Variants in TIGD3 observed in about 807,000 individuals in gnomAD.
TIGD3 encodes tigger transposable element-derived protein 3.
A neutral mutation model predicts 14.8 loss-of-function variants in TIGD3; 7 were observed. The observed-to-expected ratio is 0.47, with a 90% confidence interval of 0.27 to 0.89. The LOEUF (loss-of-function observed/expected upper bound fraction) is 0.89. Among genes scored for constraint, TIGD3 ranks in the 40% least tolerant of loss-of-function variants. The pLI, the probability that TIGD3 is intolerant of heterozygous loss-of-function variation, is 0.13. For missense variants in TIGD3, 581 were observed against 611.0 expected, an observed-to-expected ratio of 0.95 and a Z score of 0.52; for synonymous variants, 243 against 269.4, an observed-to-expected ratio of 0.90 and a Z score of 0.96.
chr11:65,355,833 C>T lies in TIGD3; in HGVS notation c.25C>T (p.Leu9Phe). 2 of 1,613,250 alleles carry T rather than the reference C, an allele frequency of 1.2e-6. No homozygotes were observed. The highest frequency in any genetic ancestry group is 1.7e-6 in the Non-Finnish European group (2 of 1,179,700). The change falls in exon 2 of 2, where the codon CTT becomes TTT. Residue 9 changes from leucine (L) to phenylalanine (F), a missense_variant. By Grantham distance (22) the Leu-to-Phe change is conservative. Coordinates refer to ENST00000309880, the MANE Select transcript of TIGD3 (RefSeq NM_145719.3). The stretch of plus-strand genomic sequence containing the variant: ...CATGGAGCTGAGCAGCAAGAAGAAG[C>T]TTCACGCCCTGTCCCTGGCCGAGAA... MELSSKKK[L>F]HALSLAEKIQ...
Position 65,356,735 on chromosome 11 carries a change from A to G in TIGD3, c.927A>G (p.Arg309=), listed in dbSNP as rs1854860723. 8.7e-6 allele frequency: 14 copies of G among 1,613,138 alleles called. No individual in the cohort carries two copies. Among genetic ancestry groups the G allele is most frequent in the Non-Finnish European group, 1.2e-5 (14 of 1,179,990 alleles). ...TCCGGGCCTTTAAGGCCCATTACCG[A>G]CACCGGCTGTTGGGCAAACTGGCTG... is the stretch of plus-strand genomic sequence containing the variant. ...SVVRAFKAHY[R]HRLLGKLAAI... Residue 309 remains arginine, a synonymous_variant, in exon 2 of 2, where the codon CGA becomes CGG. Transcript: ENST00000309880. This position sits in a 1 kb window ranked among gnomAD's most constrained non-coding sequence, Gnocchi z 5.2.
In TIGD3 at chr11:65,356,159, C is replaced by G; in HGVS notation, c.351C>G (p.Phe117Leu). 1.2e-6 allele frequency: 2 copies of G among 1,612,244 alleles called. No homozygotes were observed. Among genetic ancestry groups the G allele is most frequent in the Non-Finnish European group, 1.7e-6 (2 of 1,180,028 alleles). ...TGGCCGATATCATGGGCCAGGACTT[C>G]GTGCCCAGCATCGGCTGGCTGGTCC... ...KELADIMGQD[F>L]VPSIGWLVRW... The change falls in exon 2 of 2, where the codon TTC becomes TTG. Residue 117 changes from phenylalanine to leucine, a missense_variant. By Grantham distance (22) the Phe-to-Leu change is conservative. Transcript: ENST00000309880. This position sits in a 1 kb window ranked among gnomAD's most constrained non-coding sequence, Gnocchi z 5.2.
In TIGD3 at chr11:65,357,070, G is replaced by A. The variant is rs1159969410; in HGVS notation, c.1262G>A (p.Arg421Lys). ...GGCACTGAAGACGAGAAGGGGGACA[G>A]AGAGGGTGCCTTTGAGCCCCTGCCC... ...EIGTEDEKGD[R>K]EGAFEPLPTK... The change falls in exon 2 of 2, where the codon AGA (arginine) becomes AAA (lysine). Residue 421 changes from arginine to lysine, a missense_variant. Physicochemically the swap from Arg to Lys is conservative, Grantham distance 26. Transcript: ENST00000309880. 3 of 1,613,680 alleles carry A rather than the reference G, an allele frequency of 1.9e-6. No individual in the cohort carries two copies. Among genetic ancestry groups the A allele is most frequent in the South Asian group, 2.2e-5 (2 of 91,050 alleles).
In TIGD3 at chr11:65,356,924, G is replaced by A. The variant is rs1565551263; in HGVS notation, c.1116G>A (p.Pro372=). 8 of 1,613,976 alleles carry A rather than the reference G, an allele frequency of 5.0e-6. No individual in the cohort carries two copies. The highest frequency in any genetic ancestry group is 1.7e-5 in the Admixed American group (1 of 60,012). The change falls in exon 2 of 2, where the codon CCG becomes CCA. Residue 372 remains proline (P), a synonymous_variant. Transcript: ENST00000309880. The surrounding 1 kb of genome is among the most constrained non-coding windows in gnomAD (Gnocchi z 5.2). The part of the protein sequence containing the change: ...QEGLAPGKTP[P]SSHKTSEMPP... ...GGCTGGCTCCCGGCAAAACGCCCCC[G>A]TCCTCGCACAAAACCTCTGAGATGC...
Position 65,356,789 on chromosome 11 carries a change from G to A in TIGD3, c.981G>A (p.Ser327=). The change falls in exon 2 of 2, where the codon TCG becomes TCA. Residue 327 remains serine, a synonymous_variant. Transcript: ENST00000309880. The surrounding 1 kb of genome is among the most constrained non-coding windows in gnomAD (Gnocchi z 5.2). Reference sequence around the variant, plus strand: ...TCCAAAGCGAGAGGGATGGCACCTCGCTGGCCGAGGCCGGGGCAGGCATCA... The same window carrying A: ...TCCAAAGCGAGAGGGATGGCACCTCACTGGCCGAGGCCGGGGCAGGCATCA... ...AAIQSERDGT[S]LAEAGAGITV... 2 of 1,612,842 alleles carry A rather than the reference G, an allele frequency of 1.2e-6. No homozygotes were observed. Among genetic ancestry groups the A allele is most frequent in the Non-Finnish European group, 8.5e-7 (1 of 1,179,838 alleles).
At position 65,356,794 on chromosome 11, in the gene TIGD3, C is replaced by A; in HGVS notation, c.986C>A (p.Ala329Asp). The A allele has an allele frequency of 6.2e-7, 1 of 1,612,776 alleles. No individual in the cohort carries two copies. Among genetic ancestry groups the A allele is most frequent in the South Asian group, 1.1e-5 (1 of 91,056 alleles). The change falls in exon 2 of 2, where the codon GCC becomes GAC. Residue 329 changes from alanine (A) to aspartate (D), a missense_variant. Coordinates refer to ENST00000309880, the MANE Select transcript of TIGD3 (RefSeq NM_145719.3). This position sits in a 1 kb window ranked among gnomAD's most constrained non-coding sequence, Gnocchi z 5.2. ...IQSERDGTSL[A>D]EAGAGITVLD... is the part of the protein sequence containing the mutation. The stretch of plus-strand genomic sequence containing the variant: ...AGCGAGAGGGATGGCACCTCGCTGG[C>A]CGAGGCCGGGGCAGGCATCACCGTG...
At position 65,356,593 on chromosome 11, in the gene TIGD3, C is replaced by T. The variant is rs752683530; in HGVS notation, c.785C>T (p.Ala262Val). The T allele has an allele frequency of 6.2e-7, 1 of 1,610,460 alleles. No homozygotes were observed. The highest frequency in any genetic ancestry group is 8.5e-7 in the Non-Finnish European group (1 of 1,179,958). Residue 262 changes from alanine to valine, a missense_variant, in exon 2 of 2, where the codon GCT becomes GTT. By Grantham distance (64) the Ala-to-Val change is moderately conservative (BLOSUM62 0). Transcript: ENST00000309880. The surrounding 1 kb of genome is among the most constrained non-coding windows in gnomAD (Gnocchi z 5.2). Reference protein sequence around the residue: ...RDMGQQGRQVALLLAARVVEE... With the variant: ...RDMGQQGRQVVLLLAARVVEE... ...ATGGGACAGCAGGGCCGACAGGTGG[C>T]TTTGCTGCTGGCTGCCCGAGTGGTG...
At position 65,357,250 on chromosome 11, in the gene TIGD3, C is replaced by T. The variant is rs958033864; in HGVS notation, c.*26C>T. 4.4e-6 allele frequency: 7 copies of T among 1,603,902 alleles called. No individual in the cohort carries two copies. The highest frequency in any genetic ancestry group is 2.2e-5 in the East Asian group (1 of 44,792). The stretch of plus-strand genomic sequence containing the variant: ...AGGCGCCTTCACTGCTTGCCAGAGC[C>T]CCTTCCTCTCTTGTTTCCCATGGAA... On this transcript the variant is annotated 3_prime_UTR_variant, in exon 2 of 2. Transcript: ENST00000309880.
Position 65,356,476 on chromosome 11 carries a change from T to G in TIGD3, c.668T>G (p.Phe223Cys). 6.2e-7 allele frequency: 1 copy of G among 1,607,242 alleles called. No homozygotes were observed. Among genetic ancestry groups the G allele is most frequent in the Non-Finnish European group, 8.5e-7 (1 of 1,179,922 alleles). ...LGGLQAAPRCFFGIRSEALPA... is the reference protein window; with the variant it reads ...LGGLQAAPRCCFGIRSEALPA... ...GGGCTCCAGGCTGCCCCGAGATGCT[T>G]CTTTGGGATCCGCAGTGAGGCTCTG... Residue 223 changes from phenylalanine (F) to cysteine (C), a missense_variant, in exon 2 of 2, where the codon TTC (phenylalanine) becomes TGC (cysteine). Phe to Cys is a radical substitution (Grantham distance 205). Transcript: ENST00000309880. The surrounding 1 kb of genome is among the most constrained non-coding windows in gnomAD (Gnocchi z 5.2).
At position 65,356,927 on chromosome 11, in the gene TIGD3, C is replaced by G; in HGVS notation, c.1119C>G (p.Ser373=). The change falls in exon 2 of 2, where the codon TCC becomes TCG. Residue 373 remains serine (S), a synonymous_variant. Coordinates refer to ENST00000309880, the MANE Select transcript of TIGD3 (RefSeq NM_145719.3). This position sits in a 1 kb window ranked among gnomAD's most constrained non-coding sequence, Gnocchi z 5.2. ...TGGCTCCCGGCAAAACGCCCCCGTC[C>G]TCGCACAAAACCTCTGAGATGCCAC... The part of the protein sequence containing the change: ...EGLAPGKTPP[S]SHKTSEMPPV... The G allele has an allele frequency of 3.7e-6, 6 of 1,614,118 alleles. No individual in the cohort carries two copies. Among genetic ancestry groups the G allele is most frequent in the Non-Finnish European group, 5.1e-6 (6 of 1,180,042 alleles).
chr11:65,355,166 A>G (rs1854830005), intron 1 of TIGD3, among the ~76,000 whole-genome samples: 1 of 151,066 alleles, frequency 6.6e-6, no homozygotes, highest in South Asian at 2.1e-4. Flanking sequence ...CAGCCTCCTC[A>G]GGCCTCCCGC....
chr11:65,356,505 G>A lies in TIGD3; in HGVS notation c.697G>A (p.Ala233Thr), dbSNP rs376047660. 7.5e-6 allele frequency: 12 copies of A among 1,606,608 alleles called. 1 individual carries two copies. The highest frequency in any genetic ancestry group is 1.6e-4 in the Middle Eastern group (1 of 6,080). Residue 233 changes from alanine (A) to threonine (T), a missense_variant, in exon 2 of 2, where the codon GCC (alanine) becomes ACC (threonine). Coordinates refer to ENST00000309880, the MANE Select transcript of TIGD3 (RefSeq NM_145719.3). This position sits in a 1 kb window ranked among gnomAD's most constrained non-coding sequence, Gnocchi z 5.2. ...FFGIRSEALP[A>T]SYHPDLGIPW... is the part of the protein sequence containing the mutation. Reference sequence around the variant, plus strand: ...TGGGATCCGCAGTGAGGCTCTGCCTGCCTCCTACCACCCGGACCTGGGCAT... The same window carrying A: ...TGGGATCCGCAGTGAGGCTCTGCCTACCTCCTACCACCCGGACCTGGGCAT...
intron 1 of TIGD3, 141 bp from the exon 2 acceptor site, chr11:65,355,652 A>G: frequency 9.6e-6 from 7 of 727,110 alleles, no homozygotes; most frequent in Non-Finnish European, 8.8e-6. Context: ...CACTCGGCCT[A>G]GCCACTTCCT....
In TIGD3 at chr11:65,356,709, G is replaced by T. The variant is rs764297767; in HGVS notation, c.901G>T (p.Val301Phe). ...STTPPLPSSV[V>F]RAFKAHYRHR... ...CACGCCTCCCCTGCCCAGCTCAGTG[G>T]TCCGGGCCTTTAAGGCCCATTACCG... Residue 301 changes from valine (V) to phenylalanine (F), a missense_variant, in exon 2 of 2, where the codon GTC (valine) becomes TTC (phenylalanine). Transcript: ENST00000309880. The surrounding 1 kb of genome is among the most constrained non-coding windows in gnomAD (Gnocchi z 5.2). 3 of 1,613,218 alleles carry T rather than the reference G, an allele frequency of 1.9e-6. No individual in the cohort carries two copies. The African/African-American group carries it at 4.0e-5, about 22-fold the overall frequency.
Position 65,355,918 on chromosome 11 carries a change from G to C in TIGD3, c.110G>C (p.Arg37Pro). Residue 37 changes from arginine to proline, a missense_variant, in exon 2 of 2, where the codon CGC becomes CCC. Arg to Pro is a moderately radical substitution (Grantham distance 103, BLOSUM62 -2). Transcript: ENST00000309880. ...ATGTCCCAGTCGGAGGTGGCCCGGCGCTTCCAGGTTTCCCAGCCCCAGATC... is the reference window on the plus strand; with the variant it reads ...ATGTCCCAGTCGGAGGTGGCCCGGCCCTTCCAGGTTTCCCAGCCCCAGATC... The part of the protein sequence containing the change: ...SKMSQSEVAR[R>P]FQVSQPQISR... 1 of 1,613,914 alleles carries C rather than the reference G, an allele frequency of 6.2e-7. No homozygotes were observed. Among genetic ancestry groups the C allele is most frequent in the Non-Finnish European group, 8.5e-7 (1 of 1,180,036 alleles).
At chr11:65,355,276 G>A (rs976047831) in intron 1 of TIGD3, among the ~76,000 whole-genome samples, 1 of 151,714 alleles carries the variant, frequency 6.6e-6, no homozygotes, top group Non-Finnish European at 1.5e-5. Context: ...CACCAAATTA[G>A]CCTCGCTCCT....
At position 65,356,834 on chromosome 11, in the gene TIGD3, C is replaced by A; in HGVS notation, c.1026C>A (p.His342Gln). 4 of 1,613,212 alleles carry A rather than the reference C, an allele frequency of 2.5e-6. No homozygotes were observed. Among genetic ancestry groups the A allele is most frequent in the Non-Finnish European group, 3.4e-6 (4 of 1,179,972 alleles). Residue 342 changes from histidine to glutamine, a missense_variant, in exon 2 of 2, where the codon CAC (histidine) becomes CAA (glutamine). Physicochemically the swap from His to Gln is conservative, Grantham distance 24. Coordinates refer to ENST00000309880, the MANE Select transcript of TIGD3 (RefSeq NM_145719.3). This position sits in a 1 kb window ranked among gnomAD's most constrained non-coding sequence, Gnocchi z 5.2. ...GCATCACCGTGCTGGACGCCCTGCA[C>A]GTGGCGTCTGCCGCCTGGGCCAAGG... is the stretch of plus-strand genomic sequence containing the variant. ...GAGITVLDAL[H>Q]VASAAWAKVP...
rs1854874018 is a variant in TIGD3, at chr11:65,357,402, G to A, written c.*178G>A. 1.6e-6 allele frequency: 1 copy of A among 627,986 alleles called. No homozygotes were observed. Among genetic ancestry groups the A allele is most frequent in the Admixed American group, 3.1e-5 (1 of 32,450 alleles). 38.9% of individuals were successfully genotyped at this position (627,986 alleles called of 1,614,324 possible). A position where few individuals can be genotyped will look rare whatever the true frequency, so the allele number is the denominator to read the frequency against. ...TGGAGTGGCAGTCGTCCAAACCCCA[G>A]GAAGAGAGCTCTAAAGATGGGGCTT... On this transcript the variant is annotated 3_prime_UTR_variant, in exon 2 of 2. Transcript: ENST00000309880.
chr11:65,355,671 G>T, intron 1 of TIGD3, 122 bp from the exon 2 acceptor site: 2 of 818,720 alleles, frequency 2.4e-6, no homozygotes, highest in East Asian at 5.4e-5. Flanking sequence ...CTCTTTCAGC[G>T]GGTCCAGTCT....
Sources: allele counts gnomAD v4.1 joint callset (sites outside exome capture counted in the v4.1 genomes callset), GRCh38; gene constraint gnomAD v4.1.1; non-coding constraint Gnocchi (gnomAD v3.1); transcripts MANE v1.5; gene names NCBI Gene and HGNC (gene_info 2026-07-23, HGNC 2026-07-21).